Variants in FBXL20 observed in about 807,000 individuals in gnomAD.
FBXL20 encodes F-box/LRR-repeat protein 20.
A neutral mutation model predicts 64.0 loss-of-function variants in FBXL20; 11 were observed. The ratio of observed to expected loss-of-function variants is 0.17; its 90% CI spans 0.11 to 0.28. The LOEUF (loss-of-function observed/expected upper bound fraction) is 0.28, where lower values mean the gene tolerates loss of function less well. Among genes scored for constraint, FBXL20 ranks in the 10% least tolerant of loss-of-function variants. The probability of loss-of-function intolerance (pLI) is 1.00; values close to 1 mark genes in which losing one functional copy is unlikely to be tolerated. For missense variants in FBXL20, 303 were observed against 526.2 expected (o/e 0.58, Z 4.15); for synonymous variants, 184 against 189.0 (o/e 0.97, Z 0.22).
Position 39,299,452 on chromosome 17 carries a change from T to A in FBXL20, c.235-368A>T, listed in dbSNP as rs537081496. On this transcript the variant is annotated intron_variant, in intron 4 of 14. Coordinates refer to ENST00000264658, the MANE Select transcript of FBXL20 (RefSeq NM_032875.3). ...TTTTCCAAAATGTTTATTATAGTAC[T>A]CTGCTTATAGTAGAGACTCAATGAA... is the stretch of plus-strand genomic sequence containing the variant. 1.3e-4 allele frequency among the ~76,000 whole-genome samples: 20 copies of A among 152,336 alleles called. No individual in the cohort carries two copies. The South Asian group carries it at 3.7e-3, about 28-fold the overall frequency.
intron 1 of FBXL20, among the ~76,000 whole-genome samples, 154 bp from the exon 2 acceptor site, chr17:39,343,395 G>A (rs964318023): frequency 6.6e-6 from 1 of 152,162 alleles, no homozygotes; most frequent in African/African-American, 2.4e-5. Flanking sequence ...TCTTTAAGAT[G>A]AAAAAGATCT....
intron 1 of FBXL20, among the ~76,000 whole-genome samples, chr17:39,374,236 GAA>G (rs889979109): frequency 7.1e-6 from 1 of 141,822 alleles, no homozygotes; most frequent in African/African-American, 2.6e-5. Flanking sequence ...AAGAAAAAAA[GAA>G]AAAAAAAAGA....
At chr17:39,317,566 C>G (rs768188353) in intron 2 of FBXL20, among the ~76,000 whole-genome samples, 44 of 150,374 alleles carry the variant, frequency 2.9e-4, no homozygotes, top group Non-Finnish European at 5.6e-4. Flanking sequence ...TTACTGAATT[C>G]CAAATAATAT....
In FBXL20 at chr17:39,377,512, T is replaced by G. The variant is rs566231313; in HGVS notation, c.42+23849A>C. On this transcript the variant is annotated intron_variant, in intron 1 of 14. Transcript: ENST00000264658. ...TCCTGTCTTTTTTGTTGTTGTTTTT[T>G]TTTTTTGAGACGGAGTCTTGCTCTG... Among the ~76,000 whole-genome samples, 1,033 of 151,770 alleles carry G rather than the reference T, an allele frequency of 6.8e-3. 21 individuals carry two copies. The highest frequency in any genetic ancestry group is 0.024 in the African/African-American group (990 of 41,402).
chr17:39,299,784 A>AAACAAC (rs916978526), intron 4 of FBXL20, among the ~76,000 whole-genome samples: 3 of 151,494 alleles, frequency 2.0e-5, no homozygotes, highest in Non-Finnish European at 4.4e-5. Context: ...CTCTGTCTCA[A>AAACAAC]AACAACAACA....
intron 2 of FBXL20, among the ~76,000 whole-genome samples, chr17:39,318,469 G>A (rs1156387881): frequency 1.3e-5 from 2 of 152,118 alleles, no homozygotes; most frequent in Admixed American, 1.3e-4. Context: ...GGCCAGGCAC[G>A]GTGGCTCACG....
chr17:39,370,622 T>C (rs1239543298), intron 1 of FBXL20, among the ~76,000 whole-genome samples: 2 of 136,136 alleles, frequency 1.5e-5, no homozygotes, highest in Admixed American at 7.4e-5. Context: ...CCGTCTCTAC[T>C]AAAAAAAAAA....
intron 2 of FBXL20, among the ~76,000 whole-genome samples, chr17:39,314,784 C>CA (rs1455274909): frequency 6.7e-6 from 1 of 149,248 alleles, no homozygotes; most frequent in Non-Finnish European, 1.5e-5. Flanking sequence ...TTAATTTCTC[C>CA]ATATCCTTTT....
chr17:39,388,628 C>T (rs544609497), intron 1 of FBXL20, among the ~76,000 whole-genome samples: 69 of 151,110 alleles, frequency 4.6e-4, no homozygotes, highest in African/African-American at 1.5e-3. Flanking sequence ...GGACAACAGG[C>T]GCCCGCCACC....
At chr17:39,377,355 C>CCA (rs1305368824) in intron 1 of FBXL20, among the ~76,000 whole-genome samples, 1 of 152,038 alleles carries the variant, frequency 6.6e-6, no homozygotes, top group Non-Finnish European at 1.5e-5. Flanking sequence ...TTTCCCCCAC[C>CCA]CACCAAGCTG....
intron 1 of FBXL20, among the ~76,000 whole-genome samples, chr17:39,400,044 T>C (rs905971240): frequency 5.9e-5 from 9 of 152,192 alleles, no homozygotes; most frequent in Non-Finnish European, 4.4e-5. Context: ...ATTAACTTTA[T>C]TGGGGCTCTG....
At chr17:39,368,212 G>A (rs1450909907) in intron 1 of FBXL20, among the ~76,000 whole-genome samples, 1 of 152,104 alleles carries the variant, frequency 6.6e-6, no homozygotes, top group African/African-American at 2.4e-5. Context: ...AACACAGCGA[G>A]AACTTATCTC....
At chr17:39,343,718 CAG>C (rs1460045003) in intron 1 of FBXL20, among the ~76,000 whole-genome samples, 3 of 144,376 alleles carry the variant, frequency 2.1e-5, no homozygotes, top group Admixed American at 7.1e-5. Context: ...TTTTTTGAGA[CAG>C]AGTCTTGCTC....
At chr17:39,291,499 T>C (rs1475317441) in intron 6 of FBXL20, among the ~76,000 whole-genome samples, 1 of 143,602 alleles carries the variant, frequency 7.0e-6, no homozygotes, top group Non-Finnish European at 1.5e-5. Context: ...AGTGGCACAA[T>C]CTCAGCTCAC....
At chr17:39,307,464 T>C (rs545884443) in intron 2 of FBXL20, among the ~76,000 whole-genome samples, 1 of 152,138 alleles carries the variant, frequency 6.6e-6, no homozygotes, top group East Asian at 1.9e-4. Context: ...AACGAATGTT[T>C]GAAGATCAGA....
At chr17:39,323,499 G>A (rs2047377575) in intron 2 of FBXL20, among the ~76,000 whole-genome samples, 1 of 152,132 alleles carries the variant, frequency 6.6e-6, no homozygotes, top group Non-Finnish European at 1.5e-5. Flanking sequence ...ATGAAACAAT[G>A]AGATCAAGAT....
Position 39,346,010 on chromosome 17 carries a change from T to G in FBXL20, c.43-2769A>C, listed in dbSNP as rs1418915144. On this transcript the variant is annotated intron_variant, in intron 1 of 14. Transcript: ENST00000264658. ...GGGCAACATGGTGAAATCCTGTCTC[T>G]ACAAAAAACACAAAAATTAACCAGG... Among the ~76,000 whole-genome samples, 5 of 151,884 alleles carry G rather than the reference T, an allele frequency of 3.3e-5. No homozygotes were observed. In the East Asian group the frequency reaches 7.8e-4, roughly 24 times the overall value.
At chr17:39,326,437 T>G (rs1004002443) in intron 2 of FBXL20, among the ~76,000 whole-genome samples, 3 of 151,742 alleles carry the variant, frequency 2.0e-5, no homozygotes, top group Non-Finnish European at 2.9e-5. Context: ...CTGGGCAACA[T>G]GGTGAAAACC....
At chr17:39,384,024 A>C (rs2144661035) in intron 1 of FBXL20, among the ~76,000 whole-genome samples, 1 of 152,134 alleles carries the variant, frequency 6.6e-6, no homozygotes, top group Admixed American at 6.5e-5. Context: ...GCTTGAGCTC[A>C]GGAGTTCAAG....
Sources: allele counts gnomAD v4.1 joint callset (sites outside exome capture counted in the v4.1 genomes callset), GRCh38; gene constraint gnomAD v4.1.1; transcripts MANE v1.5; gene names NCBI Gene and HGNC (gene_info 2026-07-23, HGNC 2026-07-21).